Variants in SNTG1 observed in about 807,000 individuals in gnomAD.
SNTG1 encodes syntrophin gamma 1.
Under a neutral mutation model 74.7 loss-of-function variants are expected in SNTG1, and 39 were observed. That is an observed-to-expected ratio of 0.52 (90% CI 0.40 to 0.68). The LOEUF (loss-of-function observed/expected upper bound fraction) is 0.68, where lower values mean the gene tolerates loss of function less well. Among genes scored for constraint, SNTG1 ranks in the 30% least tolerant of loss-of-function variants. SNTG1 has a pLI of 0.00. For synonymous variants in SNTG1, 254 were observed against 217.1 expected (o/e 1.17, Z -1.49); for missense variants, 685 against 609.5 (o/e 1.12, Z -1.30).
chr8:50,572,667 CA>C (rs1375245779), intron 12 of SNTG1, among the ~76,000 whole-genome samples: 3 of 152,074 alleles, frequency 2.0e-5, no homozygotes, highest in African/African-American at 4.8e-5. Context: ...GCTCTAGAAG[CA>C]AAAGTCATGT....
intron 2 of SNTG1, among the ~76,000 whole-genome samples, chr8:50,217,207 T>A (rs1029824836): frequency 1.3e-5 from 2 of 152,068 alleles, no homozygotes; most frequent in African/African-American, 2.4e-5. Context: ...CATTTATGAA[T>A]GGTTAATATA....
chr8:50,216,913 T>C (rs1161512927), intron 2 of SNTG1, among the ~76,000 whole-genome samples: 1 of 151,978 alleles, frequency 6.6e-6, no homozygotes, highest in African/African-American at 2.4e-5. Context: ...CAGAGACTAG[T>C]CAACATACCA....
intron 2 of SNTG1, among the ~76,000 whole-genome samples, chr8:50,338,519 T>G (rs2091223258): frequency 6.6e-6 from 1 of 152,128 alleles, no homozygotes; most frequent in Non-Finnish European, 1.5e-5. Context: ...AGAAGTATAA[T>G]GGAATAAAGT....
chr8:50,750,897 T>TACC (rs2095565759), intron 17 of SNTG1, among the ~76,000 whole-genome samples: 1 of 151,950 alleles, frequency 6.6e-6, no homozygotes, highest in Non-Finnish European at 1.5e-5. Flanking sequence ...CCCTGAGGTA[T>TACC]GCCTGTATAT....
At chr8:50,112,779 G>T (rs2080651175) in intron 1 of SNTG1, among the ~76,000 whole-genome samples, 1 of 152,110 alleles carries the variant, frequency 6.6e-6, no homozygotes, top group African/African-American at 2.4e-5. Context: ...AAAGTGCTGG[G>T]ATTACAGGCA....
chr8:49,988,878 GA>G lies in SNTG1; in HGVS notation c.-103+76653del, dbSNP rs1301267477. 1.1e-4 allele frequency among the ~76,000 whole-genome samples: 17 copies of G among 151,250 alleles called. No individual in the cohort carries two copies. The South Asian group carries it at 3.3e-3, about 30-fold the overall frequency. ...AAATGAAAAAGCAGCAAAATAAACAGAAAAAAGGAATAAAAAAGATGAGAGA... is the reference window on the plus strand; with the variant it reads ...AAATGAAAAAGCAGCAAAATAAACAGAAAAAGGAATAAAAAAGATGAGAGA... On this transcript the variant is annotated intron_variant, in intron 1 of 18. Coordinates refer to ENST00000642720, the MANE Select transcript of SNTG1 (RefSeq NM_018967.5).
intron 1 of SNTG1, among the ~76,000 whole-genome samples, chr8:50,154,137 C>A (rs1246538387): frequency 2.0e-5 from 3 of 152,138 alleles, no homozygotes; most frequent in Non-Finnish European, 4.4e-5. Flanking sequence ...TGCTGCCTTG[C>A]ACTTTGATGT....
intron 2 of SNTG1, among the ~76,000 whole-genome samples, chr8:50,223,113 A>C (rs2085152544): frequency 6.6e-6 from 1 of 152,082 alleles, no homozygotes; most frequent in Admixed American, 6.5e-5. Context: ...AAAATAAAAC[A>C]AGCAATCTAA....
intron 15 of SNTG1, among the ~76,000 whole-genome samples, chr8:50,685,911 T>C (rs61557559): frequency 0.018 from 2,812 of 152,266 alleles, 72 homozygotes; most frequent in African/African-American, 0.06. Flanking sequence ...TTATATATAT[T>C]GTATTCTACC....
chr8:50,563,634 C>T (rs931749958), intron 12 of SNTG1, among the ~76,000 whole-genome samples: 2 of 151,920 alleles, frequency 1.3e-5, no homozygotes, highest in African/African-American at 2.4e-5. Flanking sequence ...GTGGCAAGTA[C>T]AGAAAAATAC....
intron 1 of SNTG1, among the ~76,000 whole-genome samples, chr8:50,092,185 G>C (rs1431837823): frequency 6.6e-5 from 10 of 152,142 alleles, no homozygotes; most frequent in Non-Finnish European, 1.5e-4. Flanking sequence ...CCCGTTCCTG[G>C]AAGGAGGACA....
chr8:50,510,259 T>C (rs940485480), intron 9 of SNTG1, among the ~76,000 whole-genome samples: 23 of 152,246 alleles, frequency 1.5e-4, no homozygotes, highest in African/African-American at 5.3e-4. Context: ...ATCCCAGGGA[T>C]GAAGCCCACT....
At chr8:49,969,927 TG>T (rs1489859461) in intron 1 of SNTG1, among the ~76,000 whole-genome samples, 5 of 151,698 alleles carry the variant, frequency 3.3e-5, no homozygotes. Context: ...CCTGTGTGTG[TG>T]TGTGTGTGTG....
intron 8 of SNTG1, among the ~76,000 whole-genome samples, chr8:50,477,057 C>T (rs1216829078): frequency 6.6e-6 from 1 of 152,060 alleles, no homozygotes; most frequent in Non-Finnish European, 1.5e-5. Flanking sequence ...TCCTCGGTGA[C>T]ATAGATGATT....
intron 2 of SNTG1, among the ~76,000 whole-genome samples, chr8:50,365,805 G>A (rs997560267): frequency 1.2e-4 from 18 of 151,954 alleles, no homozygotes; most frequent in African/African-American, 3.4e-4. Flanking sequence ...AATTGTTCTT[G>A]CTTATTCATT....
intron 1 of SNTG1, among the ~76,000 whole-genome samples, chr8:50,171,234 T>G (rs1383034406): frequency 1.3e-5 from 2 of 152,096 alleles, no homozygotes; most frequent in Non-Finnish European, 2.9e-5. Context: ...TATATATATT[T>G]CCTTTTACAT....
At chr8:50,474,765 G>A (rs1370124874) in intron 8 of SNTG1, among the ~76,000 whole-genome samples, 2 of 152,058 alleles carry the variant, frequency 1.3e-5, no homozygotes, top group Non-Finnish European at 2.9e-5. Flanking sequence ...CTGCTATAAA[G>A]ACACATGCAC....
chr8:50,092,231 C>T (rs1162556785), intron 1 of SNTG1, among the ~76,000 whole-genome samples: 1 of 152,044 alleles, frequency 6.6e-6, no homozygotes, highest in Non-Finnish European at 1.5e-5. Context: ...GAATCAATGT[C>T]AAATGAGGAA....
intron 4 of SNTG1, among the ~76,000 whole-genome samples, chr8:50,422,057 A>G (rs72642362): frequency 0.19 from 28,253 of 152,042 alleles, 2,848 homozygotes; most frequent in African/African-American, 0.25. Context: ...AATCTCTCCT[A>G]GACCTGGAAA....
Sources: gnomAD v4.1 joint callset for allele counts (sites outside exome capture counted in the v4.1 genomes callset) on GRCh38, gnomAD v4.1.1 for gene constraint, MANE v1.5 for transcripts, NCBI Gene and HGNC (gene_info 2026-07-23, HGNC 2026-07-21) for gene names.